Variants in CDKL2 observed in about 807,000 individuals in gnomAD.
CDKL2 encodes cyclin dependent kinase like 2.
CDKL2 carries 64 observed loss-of-function variants against 63.9 expected under a neutral mutation model. That is an observed-to-expected ratio of 1.00 (90% confidence interval 0.82 to 1.23). The LOEUF (loss-of-function observed/expected upper bound fraction) is 1.23, where lower values mean the gene tolerates loss of function less well. Among genes scored for constraint, CDKL2 ranks in the 50% most tolerant of loss-of-function variants. The probability of loss-of-function intolerance (pLI) is 0.00; values close to 1 mark genes in which losing one functional copy is unlikely to be tolerated. For synonymous variants in CDKL2, 211 were observed against 229.2 expected, an observed-to-expected ratio of 0.92 and a Z score of 0.72; for missense variants, 656 against 668.0, an observed-to-expected ratio of 0.98 and a Z score of 0.20.
chr4:75,625,779 C>T, intron 2 of CDKL2, 42 bp downstream of exon 2: 1 of 1,464,248 alleles, frequency 6.8e-7, no homozygotes, highest in Non-Finnish European at 9.4e-7. Context: ...AAAAAAGAAA[C>T]TTATACTCAT....
intron 10 of CDKL2, 83 bp downstream of exon 10, chr4:75,596,164 T>A: frequency 1.2e-6 from 1 of 809,282 alleles, no homozygotes; most frequent in African/African-American, 1.7e-5. Context: ...AAATTCTCAA[T>A]ACTTCACTAT....
At chr4:75,604,876 C>G (rs889587266) in intron 5 of CDKL2, among the ~76,000 whole-genome samples, 1 of 152,228 alleles carries the variant, frequency 6.6e-6, no homozygotes, top group African/African-American at 2.4e-5. Context: ...TGGCTCACGC[C>G]TGCAATCCCA....
chr4:75,613,754 T>G (rs1729803841), intron 3 of CDKL2, among the ~76,000 whole-genome samples: 1 of 152,082 alleles, frequency 6.6e-6, no homozygotes, highest in Non-Finnish European at 1.5e-5. Flanking sequence ...AATATTACCT[T>G]AAAAAAGAAC....
chr4:75,584,341 C>T (rs1728379828), intron 12 of CDKL2, among the ~76,000 whole-genome samples: 1 of 152,176 alleles, frequency 6.6e-6, no homozygotes, highest in Admixed American at 6.5e-5. Context: ...GAACAACCCC[C>T]AGCTGTTAGC....
intron 3 of CDKL2, among the ~76,000 whole-genome samples, chr4:75,612,978 C>A (rs1257070128): frequency 2.6e-5 from 4 of 152,258 alleles, no homozygotes; most frequent in Admixed American, 6.5e-5. Context: ...TAAAAAAATT[C>A]TCCGGGCGTG....
chr4:75,596,800 T>C, intron 9 of CDKL2, 135 bp downstream of exon 9: 1 of 758,894 alleles, frequency 1.3e-6, no homozygotes, highest in East Asian at 2.7e-5. Context: ...AAAAGTCTTT[T>C]GAAACAGCTA....
chr4:75,592,050 G>A (rs906448542), intron 11 of CDKL2, 96 bp downstream of exon 11: 2 of 1,334,002 alleles, frequency 1.5e-6, no homozygotes, highest in East Asian at 2.5e-5. Context: ...ACTTAAATAT[G>A]TAAAGTTAGT....
intron 12 of CDKL2, among the ~76,000 whole-genome samples, chr4:75,590,881 G>A (rs757410993): frequency 6.6e-6 from 1 of 152,186 alleles, no homozygotes; most frequent in Non-Finnish European, 1.5e-5. Context: ...AAATCTGTCT[G>A]AAGCAGTAAA....
In CDKL2 at chr4:75,630,393, G is replaced by C. The variant is rs879890262; in HGVS notation, c.-381C>G. 5.2e-5 allele frequency: 8 copies of C among 152,814 alleles called. No homozygotes were observed. The highest frequency in any genetic ancestry group is 8.8e-5 in the Non-Finnish European group (6 of 68,254). The allele number at this position is 152,814 out of a possible 1,614,324, so 9.5% of individuals were successfully genotyped here. ...ACGGCAGGCACCAACACCTGTGAAG[G>C]CCAAGGGCTAGAGAGCAATTAGCTG... On this transcript the variant is annotated 5_prime_UTR_variant, in exon 1 of 14. Transcript: ENST00000307465.
chr4:75,611,196 C>G (rs192557094), intron 3 of CDKL2, among the ~76,000 whole-genome samples: 3 of 152,082 alleles, frequency 2.0e-5, no homozygotes, highest in Admixed American at 2.0e-4. Context: ...CAGTGGCACA[C>G]GCCTGTAATC....
rs1025129186 is a variant in CDKL2 at position 75,578,914 on chromosome 4, A to C, written c.*288T>G. The C allele has an allele frequency of 6.6e-5, 10 of 152,654 alleles. No homozygotes were observed. The highest frequency in any genetic ancestry group is 2.2e-4 in the African/African-American group (9 of 41,470). The allele number at this position is 152,654 out of a possible 1,614,324, so 9.5% of individuals were successfully genotyped here. On this transcript the variant is annotated 3_prime_UTR_variant, in exon 14 of 14. Coordinates refer to ENST00000307465, the MANE Select transcript of CDKL2 (RefSeq NM_001330724.2). ...AACAGTAAATACACATTCATGTAAC[A>C]AGAACCATATCACTGTTATTCCACT... is the stretch of plus-strand genomic sequence containing the variant.
intron 3 of CDKL2, among the ~76,000 whole-genome samples, chr4:75,609,894 T>C (rs1560587383): frequency 6.6e-6 from 1 of 151,808 alleles, no homozygotes. Flanking sequence ...TCAGACCACC[T>C]GTGCTGTAGT....
At chr4:75,591,116 T>C (rs1728695677) in intron 12 of CDKL2, among the ~76,000 whole-genome samples, 1 of 152,200 alleles carries the variant, frequency 6.6e-6, no homozygotes, top group Non-Finnish European at 1.5e-5. Context: ...GGTGAAAATA[T>C]GTCAAATAGA....
chr4:75,610,720 C>T (rs1288741865), intron 3 of CDKL2, among the ~76,000 whole-genome samples: 1 of 152,044 alleles, frequency 6.6e-6, no homozygotes, highest in Non-Finnish European at 1.5e-5. Context: ...AATTCAAGTG[C>T]TCACATATAT....
At chr4:75,620,960 G>A (rs1217029186) in intron 2 of CDKL2, among the ~76,000 whole-genome samples, 1 of 149,406 alleles carries the variant, frequency 6.7e-6, no homozygotes, top group Non-Finnish European at 1.5e-5. Flanking sequence ...TTTTGAGATG[G>A]AGTCTTACTC....
At chr4:75,582,405 G>T (rs76656242) in intron 12 of CDKL2, among the ~76,000 whole-genome samples, 1 of 152,136 alleles carries the variant, frequency 6.6e-6, no homozygotes, top group Non-Finnish European at 1.5e-5. Context: ...AATCTCACTG[G>T]ATGGACTTAA....
At chr4:75,622,744 A>AC (rs1730213401) in intron 2 of CDKL2, among the ~76,000 whole-genome samples, 2 of 141,622 alleles carry the variant, frequency 1.4e-5, no homozygotes, top group South Asian at 2.2e-4. Flanking sequence ...AAAAAAAAAA[A>AC]CAGACAAGAA....
In CDKL2 at chr4:75,605,641, G is replaced by C; in HGVS notation, c.543-7C>G. 1.3e-6 allele frequency: 2 copies of C among 1,588,852 alleles called. No individual in the cohort carries two copies. Among genetic ancestry groups the C allele is most frequent in the Non-Finnish European group, 1.7e-6 (2 of 1,157,292 alleles). On this transcript the variant is annotated splice_region_variant and splice_polypyrimidine_tract_variant and intron_variant, in intron 4 of 13. Transcript: ENST00000307465. ...GGCCCACACATCAACAGCCCTGAAA[G>C]AAAAGCAATGTGGTGTAAAATCTGG...
At position 75,596,933 on chromosome 4, in the gene CDKL2, A is replaced by G; in HGVS notation, c.1322+2T>C. ...TTTTGATCTTATTTTACTAATTCATACCTGTAACCCTGAATTGGTATAGTC... is the reference window on the plus strand; with the variant it reads ...TTTTGATCTTATTTTACTAATTCATGCCTGTAACCCTGAATTGGTATAGTC... On this transcript the variant is annotated splice_donor_variant, in intron 9 of 13. Transcript: ENST00000307465. LOFTEE classifies it high-confidence loss of function. 6.2e-7 allele frequency: 1 copy of G among 1,601,386 alleles called. No homozygotes were observed.
Sources: allele counts gnomAD v4.1 joint callset (sites outside exome capture counted in the v4.1 genomes callset), GRCh38; gene constraint gnomAD v4.1.1; transcripts MANE v1.5; gene names NCBI Gene and HGNC (gene_info 2026-07-23, HGNC 2026-07-21).